The following ZNF423 variants were observed in gnomAD, a reference collection of about 807,000 sequenced individuals.
The protein encoded by ZNF423 is Ebf-associated zinc finger protein.
In ZNF423, 12 loss-of-function variants were observed where a neutral mutation model predicts 95.8. The ratio of observed to expected loss-of-function variants is 0.13; its 90% CI spans 0.08 to 0.20. ZNF423 has a LOEUF of 0.20. Ranked by LOEUF, ZNF423 falls within the 10% of genes least tolerant of loss-of-function variation. The probability of loss-of-function intolerance (pLI) is 1.00; values close to 1 mark genes in which losing one functional copy is unlikely to be tolerated. For missense variants in ZNF423, 1,316 were observed against 1,737.1 expected (o/e 0.76, Z 4.31); for synonymous variants, 749 against 711.9 (o/e 1.05, Z -0.83).
At chr16:49,626,307 G>C in intron 4 of ZNF423, 53 bp from the exon 5 acceptor site, 1 of 1,590,210 alleles carries the variant, frequency 6.3e-7, no homozygotes, top group Non-Finnish European at 8.6e-7. Context: ...TAGGAAAAAG[G>C]AGAAAGCAAA....
At chr16:49,598,324 C>T (rs1225826080) in intron 5 of ZNF423, among the ~76,000 whole-genome samples, 1 of 152,256 alleles carries the variant, frequency 6.6e-6, no homozygotes, top group Non-Finnish European at 1.5e-5. Flanking sequence ...CTTTATAAAA[C>T]TTTGAGGGAA....
intron 3 of ZNF423, among the ~76,000 whole-genome samples, chr16:49,686,809 C>T (rs1339162580): frequency 2.9e-5 from 1 of 34,818 alleles, no homozygotes; most frequent in African/African-American, 6.4e-5. Flanking sequence ...CAAGCATGAT[C>T]TCGACTCACC....
rs184858808 is a variant in ZNF423, at chr16:49,812,665, G to A, written c.41-23119C>T. 1.3e-4 allele frequency among the ~76,000 whole-genome samples: 20 copies of A among 152,304 alleles called. No individual in the cohort carries two copies. In the South Asian group the frequency reaches 1.7e-3, roughly 13 times the overall value. On this transcript the variant is annotated intron_variant, in intron 1 of 7. Coordinates refer to ENST00000563137, the MANE Select transcript of ZNF423 (RefSeq NM_001379286.1). Reference sequence around the variant, plus strand: ...ACTGCACTCCAGCCTGGGCAACAGCGTGAGATCCCATCTCAGAAAACCTAA... The same window carrying A: ...ACTGCACTCCAGCCTGGGCAACAGCATGAGATCCCATCTCAGAAAACCTAA...
intron 2 of ZNF423, among the ~76,000 whole-genome samples, chr16:49,758,559 T>C (rs2033769845): frequency 6.6e-6 from 1 of 152,026 alleles, no homozygotes; most frequent in African/African-American, 2.4e-5. Context: ...CTGAACCACA[T>C]AGTAAGACCC....
intron 3 of ZNF423, among the ~76,000 whole-genome samples, chr16:49,720,872 C>T (rs1014117779): frequency 2.0e-5 from 3 of 152,244 alleles, no homozygotes; most frequent in Non-Finnish European, 4.4e-5. Flanking sequence ...CCGCACCCAA[C>T]CCTGACCCTT....
At chr16:49,642,902 C>A (rs1455983664) in intron 3 of ZNF423, among the ~76,000 whole-genome samples, 1 of 147,956 alleles carries the variant, frequency 6.8e-6, no homozygotes, top group Non-Finnish European at 1.5e-5. Flanking sequence ...CTCACTGCAA[C>A]CTCTGCCTCC....
intron 2 of ZNF423, among the ~76,000 whole-genome samples, chr16:49,786,287 G>A (rs2034311668): frequency 6.6e-6 from 1 of 152,232 alleles, no homozygotes; most frequent in Admixed American, 6.5e-5. Context: ...TGGGGGCGGA[G>A]GGCCACAGGG....
At chr16:49,719,001 GAGGCT>G (rs2032788128) in intron 3 of ZNF423, among the ~76,000 whole-genome samples, 1 of 152,198 alleles carries the variant, frequency 6.6e-6, no homozygotes, top group African/African-American at 2.4e-5. Flanking sequence ...ATCCCAGCTG[GAGGCT>G]ATTCCTATCC....
intron 1 of ZNF423, among the ~76,000 whole-genome samples, chr16:49,798,700 C>T (rs574491113): frequency 6.6e-6 from 1 of 152,282 alleles, no homozygotes; most frequent in Non-Finnish European, 1.5e-5. Flanking sequence ...TGGGTCTCCA[C>T]GTCGGCGCTT....
intron 1 of ZNF423, among the ~76,000 whole-genome samples, chr16:49,850,036 A>G (rs983583948): frequency 4.6e-5 from 7 of 152,236 alleles, no homozygotes. Context: ...GTGCAAGAAG[A>G]TAGGTAAAAC....
chr16:49,597,040 G>A (rs903343068), intron 5 of ZNF423, among the ~76,000 whole-genome samples: 2 of 152,220 alleles, frequency 1.3e-5, no homozygotes, highest in African/African-American at 2.4e-5. Flanking sequence ...CTCTCTCTGG[G>A]CATCGAGAGA....
At chr16:49,779,242 G>C (rs927729651) in intron 2 of ZNF423, among the ~76,000 whole-genome samples, 12 of 151,890 alleles carry the variant, frequency 7.9e-5, no homozygotes, top group African/African-American at 4.8e-5. Flanking sequence ...GGGTATAAGA[G>C]AAGGAACATT....
intron 5 of ZNF423, among the ~76,000 whole-genome samples, chr16:49,571,525 G>A (rs1374011905): frequency 6.6e-6 from 1 of 152,122 alleles, no homozygotes; most frequent in Non-Finnish European, 1.5e-5. Context: ...AGGGGCAAGT[G>A]TCAGATGGAG....
Position 49,637,616 on chromosome 16 carries a change from G to T in ZNF423, c.1560C>A (p.Asp520Glu). 6.2e-7 allele frequency: 1 copy of T among 1,614,062 alleles called. No homozygotes were observed. The highest frequency in any genetic ancestry group is 1.1e-5 in the South Asian group (1 of 91,076). ...SHCGPNANPS[D>E]GNNAFFCNQC... Reference sequence around the variant, plus strand: ...GGTTGCAGAAGAAAGCATTATTACCGTCAGAGGGGTTGGCGTTGGGGCCGC... The same window carrying T: ...GGTTGCAGAAGAAAGCATTATTACCTTCAGAGGGGTTGGCGTTGGGGCCGC... Residue 520 changes from aspartate (D) to glutamate (E), a missense_variant, in exon 4 of 8, where the codon GAC becomes GAA. Asp to Glu is a conservative substitution (Grantham distance 45). Coordinates refer to ENST00000563137, the MANE Select transcript of ZNF423 (RefSeq NM_001379286.1). The surrounding 1 kb of genome is among the most constrained non-coding windows in gnomAD (Gnocchi z 5.6).
rs183325395 is a variant in ZNF423 at position 49,571,194 on chromosome 16, C to T, written c.3602-45700G>A. ...CATTCAATAAATATCTACTAAGCAC[C>T]TACCTTGTATCTTTTTTTTTAATCC... is the stretch of plus-strand genomic sequence containing the variant. On this transcript the variant is annotated intron_variant, in intron 5 of 7. Transcript: ENST00000563137. Among the ~76,000 whole-genome samples, 4 of 152,224 alleles carry T rather than the reference C, an allele frequency of 2.6e-5. No individual in the cohort carries two copies. In the East Asian group the frequency reaches 7.7e-4, roughly 29 times the overall value.
intron 5 of ZNF423, among the ~76,000 whole-genome samples, chr16:49,595,744 A>T (rs1350533101): frequency 6.6e-6 from 1 of 152,252 alleles, no homozygotes; most frequent in Non-Finnish European, 1.5e-5. Flanking sequence ...TGTCTTTTTA[A>T]ACCTCTATAG....
At chr16:49,502,508 T>C (rs1408695108) in intron 7 of ZNF423, among the ~76,000 whole-genome samples, 1 of 151,810 alleles carries the variant, frequency 6.6e-6, no homozygotes, top group African/African-American at 2.4e-5. Context: ...AACACGGCTG[T>C]CTCGGGGGTT....
At chr16:49,532,890 C>T (rs1292609352) in intron 5 of ZNF423, among the ~76,000 whole-genome samples, 1 of 152,168 alleles carries the variant, frequency 6.6e-6, no homozygotes, top group African/African-American at 2.4e-5. Flanking sequence ...CGCAATAAAC[C>T]GACATCGCAT....
At chr16:49,731,506 G>C (rs987753929) in intron 2 of ZNF423, 1 of 350,952 alleles carries the variant, frequency 2.8e-6, no homozygotes, top group African/African-American at 2.2e-5. Context: ...ATGGATGGTC[G>C]AATCTCAAGC....
Sources: allele counts gnomAD v4.1 joint callset (sites outside exome capture counted in the v4.1 genomes callset), GRCh38; gene constraint gnomAD v4.1.1; non-coding constraint Gnocchi (gnomAD v3.1); transcripts MANE v1.5; gene names NCBI Gene and HGNC (gene_info 2026-07-23, HGNC 2026-07-21).